Variants in PTDSS2 observed in about 807,000 individuals in gnomAD.
PTDSS2 encodes the protein PSS-2.
PTDSS2 carries 41 observed loss-of-function variants against 64.7 expected under a neutral mutation model. The ratio of observed to expected loss-of-function variants is 0.63; its 90% CI spans 0.49 to 0.82. The LOEUF (loss-of-function observed/expected upper bound fraction) is 0.82. Among genes scored for constraint, PTDSS2 ranks in the 40% least tolerant of loss-of-function variants. The pLI, the probability that PTDSS2 is intolerant of heterozygous loss-of-function variation, is 0.00. For missense variants in PTDSS2, 485 were observed against 650.0 expected (o/e 0.75, Z 2.76); for synonymous variants, 297 against 277.8 (o/e 1.07, Z -0.69).
intron 2 of PTDSS2, among the ~76,000 whole-genome samples, chr11:464,375 T>A (rs960433888): frequency 3.3e-5 from 5 of 152,234 alleles, no homozygotes; most frequent in African/African-American, 1.2e-4. Flanking sequence ...TTTAACAGAC[T>A]CAGAGCCCCG....
chr11:467,429 A>G (rs1847193206), intron 2 of PTDSS2, among the ~76,000 whole-genome samples: 1 of 152,206 alleles, frequency 6.6e-6, no homozygotes, highest in African/African-American at 2.4e-5. Context: ...CCGCTTTAGA[A>G]GACAGTTTCA....
intron 4 of PTDSS2, among the ~76,000 whole-genome samples, chr11:484,646 GCTCA>G (rs1265811419): frequency 2.0e-5 from 3 of 151,438 alleles, no homozygotes; most frequent in East Asian, 3.9e-4. Context: ...GGGCATGTGT[GCTCA>G]CTGTGTGCAC....
At chr11:486,263 G>A (rs1848375819) in intron 4 of PTDSS2, among the ~76,000 whole-genome samples, 1 of 152,282 alleles carries the variant, frequency 6.6e-6, no homozygotes, top group African/African-American at 2.4e-5. Context: ...CGACTCCTGT[G>A]AGGGTGTTGG....
chr11:454,651 A>G (rs1225825567), intron 1 of PTDSS2, among the ~76,000 whole-genome samples: 3 of 152,184 alleles, frequency 2.0e-5, no homozygotes, highest in Non-Finnish European at 2.9e-5. Flanking sequence ...CTAAAAATAC[A>G]AAAATTAGCT....
intron 6 of PTDSS2, 29 bp downstream of exon 6, chr11:487,499 C>G (rs190301516): frequency 1.2e-6 from 2 of 1,607,832 alleles, no homozygotes; most frequent in Admixed American, 3.3e-5. Flanking sequence ...CCGGCCTCCC[C>G]GCCCCGGTTC....
At chr11:475,360 T>G (rs1247480708) in intron 3 of PTDSS2, among the ~76,000 whole-genome samples, 1 of 151,802 alleles carries the variant, frequency 6.6e-6, no homozygotes, top group South Asian at 2.1e-4. Flanking sequence ...GTAGGACATA[T>G]TCACATATTT....
intron 1 of PTDSS2, among the ~76,000 whole-genome samples, chr11:452,817 A>G (rs928234862): frequency 2.6e-5 from 4 of 152,188 alleles, no homozygotes; most frequent in Non-Finnish European, 4.4e-5. Flanking sequence ...GTCCACCTGC[A>G]CTGACTTGCT....
intron 7 of PTDSS2, 65 bp downstream of exon 7, chr11:488,377 G>A: frequency 1.4e-6 from 2 of 1,427,700 alleles, no homozygotes; most frequent in Non-Finnish European, 2.0e-6. Context: ...GAACCCCTGT[G>A]CCCAGCGCGG....
chr11:459,078 C>A (rs529231455), intron 1 of PTDSS2: 2 of 117,188 alleles, frequency 1.7e-5, no homozygotes, highest in South Asian at 4.8e-4. Context: ...GAATGTAGGA[C>A]CTGGGTTAGA....
Position 490,523 on chromosome 11 carries a change from G to A in PTDSS2, c.1405G>A (p.Asp469Asn), listed in dbSNP as rs1848627770. ...GNGDQHPLGL[D>N]EDLLGPGVAE... is the part of the protein sequence containing the mutation. ...CGGGGACCAGCACCCACTGGGGCTGGACGAAGACCTGCTGGGGCCTGGGGT... is the reference window on the plus strand; with the variant it reads ...CGGGGACCAGCACCCACTGGGGCTGAACGAAGACCTGCTGGGGCCTGGGGT... The change falls in exon 12 of 12, where the codon GAC becomes AAC. Residue 469 changes from aspartate to asparagine, a missense_variant. Physicochemically the swap from Asp to Asn is conservative, Grantham distance 23. Coordinates refer to ENST00000308020, the MANE Select transcript of PTDSS2 (RefSeq NM_030783.3). 1 of 1,612,720 alleles carries A rather than the reference G, an allele frequency of 6.2e-7. No homozygotes were observed. The highest frequency in any genetic ancestry group is 1.7e-5 in the Admixed American group (1 of 59,936).
intron 4 of PTDSS2, among the ~76,000 whole-genome samples, chr11:485,487 C>G (rs1848309326): frequency 7.1e-6 from 1 of 141,286 alleles, no homozygotes; most frequent in Non-Finnish European, 1.5e-5. Context: ...GCTCACTGTG[C>G]AGGCGAGTGT....
intron 2 of PTDSS2, among the ~76,000 whole-genome samples, chr11:472,222 T>A (rs1217124405): frequency 6.6e-6 from 1 of 152,176 alleles, no homozygotes; most frequent in Non-Finnish European, 1.5e-5. Context: ...GGGGACGTTT[T>A]ACTGTCTTTC....
intron 2 of PTDSS2, among the ~76,000 whole-genome samples, chr11:471,697 G>T (rs1847449288): frequency 6.8e-6 from 1 of 148,096 alleles, no homozygotes; most frequent in African/African-American, 2.5e-5. Context: ...CGCCTGTCGG[G>T]CGGATGGTGG....
At chr11:487,681 G>T (rs1196611338) in intron 6 of PTDSS2, among the ~76,000 whole-genome samples, 1 of 152,176 alleles carries the variant, frequency 6.6e-6, no homozygotes, top group Non-Finnish European at 1.5e-5. Flanking sequence ...CGTCCTCAGG[G>T]TCGGGGCGGT....
At chr11:455,923 A>G (rs1846568897) in intron 1 of PTDSS2, among the ~76,000 whole-genome samples, 1 of 152,094 alleles carries the variant, frequency 6.6e-6, no homozygotes, top group Non-Finnish European at 1.5e-5. Context: ...GGCTCAGGGA[A>G]TGGCTGTGAT....
intron 2 of PTDSS2, among the ~76,000 whole-genome samples, chr11:469,637 G>T (rs961047208): frequency 6.6e-6 from 1 of 152,104 alleles, no homozygotes; most frequent in African/African-American, 2.4e-5. Context: ...CAGTGTGTGC[G>T]CAGTGGTTAA....
intron 2 of PTDSS2, among the ~76,000 whole-genome samples, chr11:464,191 C>T (rs989453124): frequency 6.6e-6 from 1 of 151,904 alleles, no homozygotes; most frequent in Non-Finnish European, 1.5e-5. Context: ...CCATGTTGCC[C>T]AGGCTGGTTT....
chr11:489,901 G>A lies in PTDSS2; in HGVS notation c.1134G>A (p.Leu378=). The part of the protein sequence containing the change: ...FMDDPKPHKK[L]GPQAWLVAAI... ...CCTGCAGGAAGCCCCACAAGAAGCT[G>A]GGCCCGCAGGCCTGGCTGGTGGCGG... The change falls in exon 11 of 12, where the codon CTG becomes CTA. Residue 378 remains leucine (L), a synonymous_variant. Coordinates refer to ENST00000308020, the MANE Select transcript of PTDSS2 (RefSeq NM_030783.3). 6.3e-7 allele frequency: 1 copy of A among 1,596,288 alleles called. No homozygotes were observed. Among genetic ancestry groups the A allele is most frequent in the Non-Finnish European group, 8.5e-7 (1 of 1,173,530 alleles).
At chr11:463,468 G>A (rs1219913476) in intron 2 of PTDSS2, 2 of 146,552 alleles carry the variant, frequency 1.4e-5, no homozygotes, top group South Asian at 4.3e-4. Context: ...TTTGGTCAAT[G>A]TTGACCAGGT....
Sources: allele counts gnomAD v4.1 joint callset (sites outside exome capture counted in the v4.1 genomes callset), GRCh38; gene constraint gnomAD v4.1.1; transcripts MANE v1.5; gene names NCBI Gene and HGNC (gene_info 2026-07-23, HGNC 2026-07-21).